Variants in CDH12 observed in about 807,000 individuals in gnomAD.
CDH12 encodes cadherin-12.
CDH12 carries 41 observed loss-of-function variants against 74.1 expected under a neutral mutation model. The ratio of observed to expected loss-of-function variants is 0.55; its 90% CI spans 0.43 to 0.72. CDH12 has a LOEUF of 0.72. Ranked by LOEUF, CDH12 falls within the 30% of genes least tolerant of loss-of-function variation. CDH12 has a pLI of 0.00. For missense variants in CDH12, 945 were observed against 977.2 expected, an observed-to-expected ratio of 0.97 and a Z score of 0.44; for synonymous variants, 399 against 355.0, an observed-to-expected ratio of 1.12 and a Z score of -1.39.
intron 1 of CDH12, among the ~76,000 whole-genome samples, chr5:22,739,865 C>A (rs1008129221): frequency 1.3e-5 from 2 of 151,996 alleles, no homozygotes; most frequent in Non-Finnish European, 2.9e-5. Flanking sequence ...TGCTTTGTGA[C>A]CTTAAGTAAT....
At chr5:22,575,857 G>A (rs1739762403) in intron 1 of CDH12, among the ~76,000 whole-genome samples, 2 of 151,710 alleles carry the variant, frequency 1.3e-5, no homozygotes, top group African/African-American at 2.4e-5. Flanking sequence ...GAGCCACTGC[G>A]CCTGGCCTTA....
At chr5:21,788,416 C>T (rs902422221) in intron 10 of CDH12, among the ~76,000 whole-genome samples, 1 of 151,854 alleles carries the variant, frequency 6.6e-6, no homozygotes, top group Non-Finnish European at 1.5e-5. Flanking sequence ...TTCAGAATTA[C>T]TATAGAAAAC....
intron 9 of CDH12, among the ~76,000 whole-genome samples, chr5:21,813,394 C>T (rs928799382): frequency 1.2e-4 from 19 of 152,168 alleles, no homozygotes; most frequent in African/African-American, 4.3e-4. Flanking sequence ...GCAGGAGAAT[C>T]GCTTGAACCT....
intron 1 of CDH12, among the ~76,000 whole-genome samples, chr5:22,514,034 A>G (rs762517163): frequency 1.3e-5 from 2 of 151,368 alleles, no homozygotes; most frequent in Non-Finnish European, 2.9e-5. Flanking sequence ...TAATATAAGT[A>G]TAATACAATT....
intron 4 of CDH12, among the ~76,000 whole-genome samples, chr5:22,088,513 C>T (rs188876065): frequency 6.6e-6 from 1 of 152,092 alleles, no homozygotes; most frequent in African/African-American, 2.4e-5. Flanking sequence ...CTACTACCAC[C>T]AATGCCCCCT....
At chr5:22,093,911 T>G (rs993750956) in intron 4 of CDH12, among the ~76,000 whole-genome samples, 5 of 152,178 alleles carry the variant, frequency 3.3e-5, no homozygotes, top group African/African-American at 1.2e-4. Context: ...CCAATTCATG[T>G]GTTAATATAT....
chr5:22,773,317 T>C (rs143670070), intron 1 of CDH12, among the ~76,000 whole-genome samples: 280 of 152,030 alleles, frequency 1.8e-3, no homozygotes, highest in African/African-American at 6.4e-3. Context: ...CATAGACCAA[T>C]GGAACAGAAT....
intron 8 of CDH12, among the ~76,000 whole-genome samples, chr5:21,828,401 C>T (rs796670698): frequency 6.6e-6 from 1 of 152,124 alleles, no homozygotes. Flanking sequence ...GGATTACAGG[C>T]GTGAGCCACT....
chr5:22,627,428 C>T (rs1245881326), intron 1 of CDH12, among the ~76,000 whole-genome samples: 1 of 146,712 alleles, frequency 6.8e-6, no homozygotes, highest in Non-Finnish European at 1.5e-5. Flanking sequence ...GGATTGTGTG[C>T]CTATATTCAC....
chr5:21,876,793 T>C (rs1751962105), intron 6 of CDH12, among the ~76,000 whole-genome samples: 1 of 152,354 alleles, frequency 6.6e-6, no homozygotes, highest in African/African-American at 2.4e-5. Context: ...TCCAGGCTTA[T>C]CTTTGTCTCT....
intron 4 of CDH12, among the ~76,000 whole-genome samples, chr5:22,169,768 T>G (rs1305415124): frequency 6.6e-6 from 1 of 151,928 alleles, no homozygotes; most frequent in Non-Finnish European, 1.5e-5. Context: ...TGTCACATGC[T>G]TATCCTTCTG....
At chr5:21,883,503 T>G (rs1579904258) in intron 6 of CDH12, 1 of 1,612,878 alleles carries the variant, frequency 6.2e-7, no homozygotes, top group Non-Finnish European at 8.5e-7. Context: ...GGCTCCAGGG[T>G]TTGGTGACAA....
chr5:21,772,278 A>T (rs1180418975), intron 11 of CDH12, among the ~76,000 whole-genome samples: 1 of 152,122 alleles, frequency 6.6e-6, no homozygotes, highest in African/African-American at 2.4e-5. Context: ...TGAGAAAAAA[A>T]ATCATATTTG....
intron 14 of CDH12, among the ~76,000 whole-genome samples, chr5:21,755,138 C>T (rs1033922241): frequency 7.9e-5 from 12 of 152,206 alleles, no homozygotes; most frequent in African/African-American, 2.9e-4. Flanking sequence ...ATCTTCCTTT[C>T]TTTATTGAAC....
intron 9 of CDH12, among the ~76,000 whole-genome samples, chr5:21,815,326 G>A (rs980802838): frequency 1.6e-4 from 25 of 152,064 alleles, no homozygotes; most frequent in Admixed American, 1.4e-3. Flanking sequence ...AGTGTGTTTT[G>A]TAGAAGGGGA....
intron 3 of CDH12, among the ~76,000 whole-genome samples, chr5:22,333,081 G>T (rs1025140306): frequency 6.6e-6 from 1 of 152,096 alleles, no homozygotes; most frequent in Non-Finnish European, 1.5e-5. Flanking sequence ...GCTCTTCAAT[G>T]ATAGGCTGGA....
intron 5 of CDH12, among the ~76,000 whole-genome samples, chr5:22,036,376 T>C (rs973665780): frequency 7.9e-5 from 12 of 152,174 alleles, no homozygotes; most frequent in Admixed American, 7.2e-4. Context: ...CAGTATGGTA[T>C]GGTAATGACA....
chr5:22,530,366 A>T (rs1737532172), intron 1 of CDH12, among the ~76,000 whole-genome samples: 1 of 152,166 alleles, frequency 6.6e-6, no homozygotes, highest in African/African-American at 2.4e-5. Flanking sequence ...ACAGAAAATC[A>T]TATTAAAGTC....
chr5:22,434,550 T>C (rs1189281039), intron 2 of CDH12, among the ~76,000 whole-genome samples: 1 of 152,146 alleles, frequency 6.6e-6, no homozygotes, highest in Non-Finnish European at 1.5e-5. Context: ...CCTCTATTTT[T>C]TCCCAGTTAA....
Sources: gnomAD v4.1 joint callset for allele counts (sites outside exome capture counted in the v4.1 genomes callset) on GRCh38, gnomAD v4.1.1 for gene constraint, MANE v1.5 for transcripts, NCBI Gene and HGNC (gene_info 2026-07-23, HGNC 2026-07-21) for gene names.